KRR1: variants seen among roughly 807,000 people sequenced by gnomAD.
KRR1 encodes the protein KRR1 small subunit processome component.
In KRR1, 23 loss-of-function variants were observed where a neutral mutation model predicts 50.0. That is an observed-to-expected ratio of 0.46 (90% CI 0.33 to 0.65). KRR1 has a LOEUF of 0.65. Among genes scored for constraint, KRR1 ranks in the 30% least tolerant of loss-of-function variants. The pLI is 0.02. For synonymous variants in KRR1, 133 were observed against 146.3 expected (o/e 0.91, Z 0.66); for missense variants, 419 against 442.4 (o/e 0.95, Z 0.47).
In KRR1 at chr12:75,491,485, C is replaced by T. The variant is rs1044650479; in HGVS notation, c.*8324G>A. 2 of 152,168 alleles carry T rather than the reference C, an allele frequency of 1.3e-5. No homozygotes were observed. Among genetic ancestry groups the T allele is most frequent in the Non-Finnish European group, 2.9e-5 (2 of 68,022 alleles). The allele number at this position is 152,168 out of a possible 1,614,324, so 9.4% of individuals were successfully genotyped here. A position where few individuals can be genotyped will look rare whatever the true frequency, so the allele number is the denominator to read the frequency against. On this transcript the variant is annotated 3_prime_UTR_variant, in exon 10 of 10. Coordinates refer to ENST00000229214, the MANE Select transcript of KRR1 (RefSeq NM_007043.7). Reference sequence around the variant, plus strand: ...ATGATGAACAACCTCATATATGTATCTTCAGTCACTTCTATTTCCCTATAA... The same window carrying T: ...ATGATGAACAACCTCATATATGTATTTTCAGTCACTTCTATTTCCCTATAA...
chr12:75,498,155 T>G lies in KRR1; in HGVS notation c.*1654A>C, dbSNP rs1334920394. On this transcript the variant is annotated 3_prime_UTR_variant, in exon 10 of 10. Transcript: ENST00000229214. ...CAGAAGGCTAAAGGCAGTTGTGGAA[T>G]TTATTTCTTCCCAGTGCTCTGATTG... 1 of 152,286 alleles carries G rather than the reference T, an allele frequency of 6.6e-6. No homozygotes were observed. Among genetic ancestry groups the G allele is most frequent in the Non-Finnish European group, 1.5e-5 (1 of 68,196 alleles). 9.4% of individuals were successfully genotyped at this position (152,286 alleles called of 1,614,324 possible).
intron 7 of KRR1, chr12:75,502,869 CT>C (rs1189857054): frequency 6.6e-6 from 1 of 152,018 alleles, no homozygotes; most frequent in Non-Finnish European, 1.5e-5. Context: ...CATCACTCCA[CT>C]TTCCCCCTAA....
Position 75,495,642 on chromosome 12 carries a change from A to G in KRR1, c.*4167T>C. 1.9e-6 allele frequency: 3 copies of G among 1,607,320 alleles called. No homozygotes were observed. The highest frequency in any genetic ancestry group is 2.6e-6 in the Non-Finnish European group (3 of 1,173,908). ...TGCAGTGCCTGCCCCAATAATGACA[A>G]GTGTTTGGACAATCTCTGTGGTGAG... On this transcript the variant is annotated 3_prime_UTR_variant, in exon 10 of 10. Transcript: ENST00000229214.
chr12:75,505,794 G>C (rs2046419244), intron 5 of KRR1, among the ~76,000 whole-genome samples: 1 of 152,034 alleles, frequency 6.6e-6, no homozygotes, highest in South Asian at 2.1e-4. Context: ...AACAGAAACA[G>C]CATTTGCTCC....
chr12:75,503,904 C>T lies in KRR1; in HGVS notation c.831G>A (p.Gln277=), dbSNP rs1369776322. 1 of 1,604,790 alleles carries T rather than the reference C, an allele frequency of 6.2e-7. No homozygotes were observed. Among genetic ancestry groups the T allele is most frequent in the Non-Finnish European group, 8.5e-7 (1 of 1,175,328 alleles). ...TPFPPPQPES[Q]IDKELASGEY... ...ATGAAGTTCTACATTTAGTACTAAC[C>T]TGACTTTCTGGTTGTGGTGGTGGGA... The change falls in exon 7 of 10, where the codon CAG becomes CAA. Residue 277 remains glutamine, a splice_region_variant and synonymous_variant. Transcript: ENST00000229214.
chr12:75,492,614 A>C lies in KRR1; in HGVS notation c.*7195T>G, dbSNP rs2046329685. On this transcript the variant is annotated 3_prime_UTR_variant, in exon 10 of 10. Transcript: ENST00000229214. ...TTTTTATTCATTAAAGTATAAATGT[A>C]AATTTTCCTGGTTTAGACTCACTTA... The C allele has an allele frequency of 6.6e-6, 1 of 152,244 alleles. No homozygotes were observed. Among genetic ancestry groups the C allele is most frequent in the African/African-American group, 2.4e-5 (1 of 41,460 alleles). The allele number at this position is 152,244 out of a possible 1,614,324, so 9.4% of individuals were successfully genotyped here. A position where few individuals can be genotyped will look rare whatever the true frequency, so the allele number is the denominator to read the frequency against.
At chr12:75,502,096 G>T (rs1045678472) in intron 7 of KRR1, 96 bp from the exon 8 acceptor site, 8 of 919,840 alleles carry the variant, frequency 8.7e-6, no homozygotes, top group East Asian at 2.5e-5. Context: ...AAAACAATGG[G>T]GTCAAACTGA....
intron 3 of KRR1, 39 bp downstream of exon 3, chr12:75,506,743 G>C: frequency 6.3e-7 from 1 of 1,596,406 alleles, no homozygotes; most frequent in Non-Finnish European, 8.5e-7. Context: ...GGTTAACACT[G>C]ATGCAAACAA....
At position 75,494,361 on chromosome 12, in the gene KRR1, G is replaced by A. The variant is rs1030000646; in HGVS notation, c.*5448C>T. The A allele has an allele frequency of 2.0e-5, 3 of 152,014 alleles. No individual in the cohort carries two copies. Among genetic ancestry groups the A allele is most frequent in the Non-Finnish European group, 2.9e-5 (2 of 68,006 alleles). The allele number at this position is 152,014 out of a possible 1,614,324, so 9.4% of individuals were successfully genotyped here. ...AAGACAACACTCCACCATCATATTAGCAATAAACGTGACTCTGACTTAGCA... is the reference window on the plus strand; with the variant it reads ...AAGACAACACTCCACCATCATATTAACAATAAACGTGACTCTGACTTAGCA... On this transcript the variant is annotated 3_prime_UTR_variant, in exon 10 of 10. Coordinates refer to ENST00000229214, the MANE Select transcript of KRR1 (RefSeq NM_007043.7).
intron 5 of KRR1, 40 bp downstream of exon 5, chr12:75,506,276 C>G: frequency 1.6e-6 from 2 of 1,248,374 alleles, no homozygotes; most frequent in Non-Finnish European, 2.3e-6. Flanking sequence ...ATTATTTGTT[C>G]TCTGCTGAAA....
In KRR1 at chr12:75,506,805, C is replaced by A. The variant is rs761376479; in HGVS notation, c.370G>T (p.Ala124Ser). 1.2e-6 allele frequency: 2 copies of A among 1,611,396 alleles called. No homozygotes were observed. Among genetic ancestry groups the A allele is most frequent in the East Asian group, 4.5e-5 (2 of 44,838 alleles). Residue 124 changes from alanine (A) to serine (S), a missense_variant, in exon 3 of 10, where the codon GCA (alanine) becomes TCA (serine). Transcript: ENST00000229214. ...ACCTGTTCAAATGAAACACTCCTTG[C>A]TAACAGTTTTATCAGATCTCTGGCC... ...IRARDLIKLLARSVSFEQAVR... is the reference protein window; with the variant it reads ...IRARDLIKLLSRSVSFEQAVR...
At chr12:75,504,238 C>A in intron 6 of KRR1, 164 bp from the exon 7 acceptor site, 1 of 426,882 alleles carries the variant, frequency 2.3e-6, no homozygotes, top group Non-Finnish European at 4.1e-6. Flanking sequence ...TTATCACAAA[C>A]ATGTATAATT....
chr12:75,504,213 A>G, intron 6 of KRR1, 139 bp from the exon 7 acceptor site: 1 of 504,724 alleles, frequency 2.0e-6, no homozygotes, highest in East Asian at 3.0e-5. Context: ...CCAATTACAT[A>G]AGCAAAAAGG....
At chr12:75,505,102 A>G in intron 6 of KRR1, 96 bp downstream of exon 6, 1 of 1,267,750 alleles carries the variant, frequency 7.9e-7, no homozygotes, top group Admixed American at 2.7e-5. Context: ...CTGTTTGTGC[A>G]TTAGAATTTC....
chr12:75,500,651 T>C (rs998144753), intron 9 of KRR1: 2 of 151,986 alleles, frequency 1.3e-5, no homozygotes, highest in Non-Finnish European at 2.9e-5. Flanking sequence ...GCCAACTATC[T>C]AATCAATGCC....
rs2046448631 is a variant in KRR1, at chr12:75,511,459, AC to A, written c.85+53del. 4.0e-6 allele frequency: 6 copies of A among 1,487,318 alleles called. No individual in the cohort carries two copies. The Admixed American group carries it at 1.0e-4, about 25-fold the overall frequency. The allele number at this position is 1,487,318 out of a possible 1,614,324, so 92.1% of individuals were successfully genotyped here. A position where few individuals can be genotyped will look rare whatever the true frequency, so the allele number is the denominator to read the frequency against. On this transcript the variant is annotated intron_variant, in intron 1 of 9. Coordinates refer to ENST00000229214, the MANE Select transcript of KRR1 (RefSeq NM_007043.7). ...AGTCCACGAGGAACGAAAGAAAAAAACATCGCAACTCAACGTACACAAACCC... is the reference window on the plus strand; with the variant it reads ...AGTCCACGAGGAACGAAAGAAAAAAAATCGCAACTCAACGTACACAAACCC...
rs1566098710 is a variant in KRR1 at position 75,493,060 on chromosome 12, C to T, written c.*6749G>A. On this transcript the variant is annotated 3_prime_UTR_variant, in exon 10 of 10. Coordinates refer to ENST00000229214, the MANE Select transcript of KRR1 (RefSeq NM_007043.7). ...TGAAGAAAAGTTTGGCAAGTTTAAA[C>T]CACAGAGACTGGTGCCCTCGGTCTG... The T allele has an allele frequency of 6.6e-6, 1 of 152,148 alleles. No individual in the cohort carries two copies. The highest frequency in any genetic ancestry group is 1.5e-5 in the Non-Finnish European group (1 of 68,038). 9.4% of individuals were successfully genotyped at this position (152,148 alleles called of 1,614,324 possible). A position where few individuals can be genotyped will look rare whatever the true frequency, so the allele number is the denominator to read the frequency against.
At position 75,491,282 on chromosome 12, in the gene KRR1, T is replaced by C. The variant is rs566730891; in HGVS notation, c.*8527A>G. 5.6e-4 allele frequency: 85 copies of C among 152,000 alleles called. No homozygotes were observed. Among genetic ancestry groups the C allele is most frequent in the African/African-American group, 1.9e-3 (80 of 41,432 alleles). The allele number at this position is 152,000 out of a possible 1,614,324, so 9.4% of individuals were successfully genotyped here. A position where few individuals can be genotyped will look rare whatever the true frequency, so the allele number is the denominator to read the frequency against. ...ATGAGATGGCTCCTATTACTACCCC[T>C]GTTTGGCAAATGAGAACAGCAAGGC... On this transcript the variant is annotated 3_prime_UTR_variant, in exon 10 of 10. Transcript: ENST00000229214.
Position 75,495,808 on chromosome 12 carries a change from T to G in KRR1, c.*4001A>C. ...TAGCAATTAAACCAATGGCTTACTG[T>G]TCTAGGAATACATTTAAGAGAAATT... On this transcript the variant is annotated 3_prime_UTR_variant, in exon 10 of 10. Transcript: ENST00000229214. The G allele has an allele frequency of 2.0e-6, 1 of 507,612 alleles. No homozygotes were observed. Among genetic ancestry groups the G allele is most frequent in the Non-Finnish European group, 3.6e-6 (1 of 276,402 alleles). The allele number at this position is 507,612 out of a possible 1,614,324, so 31.4% of individuals were successfully genotyped here.
Sources: allele counts gnomAD v4.1 joint callset (sites outside exome capture counted in the v4.1 genomes callset), GRCh38; gene constraint gnomAD v4.1.1; transcripts MANE v1.5; gene names NCBI Gene and HGNC (gene_info 2026-07-23, HGNC 2026-07-21).